The following NPTN variants were observed in gnomAD, a reference collection of about 807,000 sequenced individuals.
NPTN encodes the protein neuroplastin, also known as SDR-1.
NPTN carries 5 observed loss-of-function variants against 42.7 expected under a neutral mutation model. The ratio of observed to expected loss-of-function variants is 0.12; its 90% CI spans 0.06 to 0.25. The LOEUF (loss-of-function observed/expected upper bound fraction) is 0.25. Ranked by LOEUF, NPTN falls within the 10% of genes least tolerant of loss-of-function variation. The pLI is 1.00. For synonymous variants in NPTN, 180 were observed against 201.9 expected (o/e 0.89, Z 0.92); for missense variants, 307 against 525.4 (o/e 0.58, Z 4.06).
At chr15:73,589,009 G>A (rs2141393737) in intron 3 of NPTN, among the ~76,000 whole-genome samples, 1 of 152,280 alleles carries the variant, frequency 6.6e-6, no homozygotes, top group East Asian at 1.9e-4. Context: ...TTCAGATCAA[G>A]TTAAGCAGAG....
chr15:73,618,763 A>G (rs777684090), intron 1 of NPTN, among the ~76,000 whole-genome samples: 4 of 152,136 alleles, frequency 2.6e-5, no homozygotes, highest in Non-Finnish European at 4.4e-5. Context: ...TTGAGCCCAG[A>G]CAATGGAGGC....
intron 1 of NPTN, among the ~76,000 whole-genome samples, chr15:73,610,278 A>G (rs1897512341): frequency 6.6e-6 from 1 of 151,902 alleles, no homozygotes; most frequent in African/African-American, 2.4e-5. Flanking sequence ...TGTAGAGATG[A>G]GGGTCTTGCT....
Position 73,570,247 on chromosome 15 carries a change from T to G in NPTN, c.1017A>C (p.Pro339=), listed in dbSNP as rs906089317. 1 of 1,614,006 alleles carries G rather than the reference T, an allele frequency of 6.2e-7. No individual in the cohort carries two copies. Among genetic ancestry groups the G allele is most frequent in the Non-Finnish European group, 8.5e-7 (1 of 1,179,978 alleles). ...TVLRVRSHLA[P]LWPFLGILAE... is the part of the protein sequence containing the mutation. ...CCAGAATTCCCAAGAAAGGCCAGAG[T>G]GGGGCCAGGTGGCTCCGCACCCTGA... The change falls in exon 6 of 9, where the codon CCA becomes CCC. Residue 339 remains proline (P), a synonymous_variant. Coordinates refer to ENST00000345330, the MANE Select transcript of NPTN (RefSeq NM_012428.4). The surrounding 1 kb of genome is among the most constrained non-coding windows in gnomAD (Gnocchi z 4.0).
At chr15:73,621,415 G>A (rs1898132833) in intron 1 of NPTN, among the ~76,000 whole-genome samples, 2 of 152,224 alleles carry the variant, frequency 1.3e-5, no homozygotes, top group Middle Eastern at 3.4e-3. Context: ...TGAACTACCA[G>A]AGTTGCAGTT....
At chr15:73,599,049 A>C (rs892471272) in intron 1 of NPTN, among the ~76,000 whole-genome samples, 3 of 152,188 alleles carry the variant, frequency 2.0e-5, no homozygotes, top group Admixed American at 1.3e-4. Context: ...GCTTAGACTA[A>C]ACGTTCTGCC....
chr15:73,562,990 A>G (rs1325462798), intron 7 of NPTN, among the ~76,000 whole-genome samples: 1 of 125,590 alleles, frequency 8.0e-6, no homozygotes, highest in Non-Finnish European at 1.7e-5. Context: ...ACAAAATTTG[A>G]AAAAAAAAAA....
At chr15:73,593,064 G>A (rs1896672511) in intron 2 of NPTN, among the ~76,000 whole-genome samples, 1 of 152,110 alleles carries the variant, frequency 6.6e-6, no homozygotes, top group African/African-American at 2.4e-5. Flanking sequence ...TGTGTCCTGG[G>A]CAAGGTATAT....
In NPTN at chr15:73,597,194, T is replaced by C. The variant is rs369802337; in HGVS notation, c.267A>G (p.Val89=). The change falls in exon 2 of 9, where the codon GTA becomes GTG. Residue 89 remains valine, a synonymous_variant. Coordinates refer to ENST00000345330, the MANE Select transcript of NPTN (RefSeq NM_012428.4). The surrounding 1 kb of genome is among the most constrained non-coding windows in gnomAD (Gnocchi z 6.3). ...WDGARKRRVT[V]NTAYGSNGVS... ...CGCCGTTTGACCCGTAGGCGGTGTT[T>C]ACGGTGACACGGCGCTTCCGAGCAC... 2.5e-6 allele frequency: 4 copies of C among 1,614,034 alleles called. No individual in the cohort carries two copies. The highest frequency in any genetic ancestry group is 1.7e-5 in the Admixed American group (1 of 60,000).
chr15:73,592,716 T>C (rs972150693), intron 2 of NPTN, among the ~76,000 whole-genome samples: 1 of 152,158 alleles, frequency 6.6e-6, no homozygotes, highest in Admixed American at 6.5e-5. Flanking sequence ...TTTTCCAAAT[T>C]TTGTGGAGGC....
intron 6 of NPTN, chr15:73,567,496 G>A: frequency 4.1e-6 from 4 of 985,338 alleles, no homozygotes; most frequent in Non-Finnish European, 4.8e-6. Flanking sequence ...GAAAATTTGG[G>A]GAGAAGCACA....
At chr15:73,627,560 G>A (rs1346634840) in intron 1 of NPTN, among the ~76,000 whole-genome samples, 2 of 152,130 alleles carry the variant, frequency 1.3e-5, no homozygotes, top group African/African-American at 2.4e-5. Flanking sequence ...ACATACGTAG[G>A]AAATTCTTTA....
At chr15:73,590,503 TG>T (rs1432780471) in intron 3 of NPTN, among the ~76,000 whole-genome samples, 2 of 151,932 alleles carry the variant, frequency 1.3e-5, no homozygotes, top group Non-Finnish European at 2.9e-5. Flanking sequence ...GGCTCACGCC[TG>T]TAATTCCAGC....
At position 73,587,512 on chromosome 15, in the gene NPTN, G is replaced by A. The variant is rs1389763825; in HGVS notation, c.706+12C>T. 1 of 1,602,548 alleles carries A rather than the reference G, an allele frequency of 6.2e-7. No individual in the cohort carries two copies. The highest frequency in any genetic ancestry group is 1.1e-5 in the South Asian group (1 of 90,836). Reference sequence around the variant, plus strand: ...GTGAGAGGCTCACACCACAGCCTCTGCTGGGTTGTACCTTTCACTTCAATG... The same window carrying A: ...GTGAGAGGCTCACACCACAGCCTCTACTGGGTTGTACCTTTCACTTCAATG... On this transcript the variant is annotated intron_variant, in intron 4 of 8. Coordinates refer to ENST00000345330, the MANE Select transcript of NPTN (RefSeq NM_012428.4).
chr15:73,620,608 T>A (rs1293124839), intron 1 of NPTN, among the ~76,000 whole-genome samples: 2 of 152,202 alleles, frequency 1.3e-5, no homozygotes, highest in Non-Finnish European at 2.9e-5. Flanking sequence ...AAAAACTTGT[T>A]CTGAGCCCAG....
intron 1 of NPTN, among the ~76,000 whole-genome samples, chr15:73,625,260 C>T (rs2141477024): frequency 6.6e-6 from 1 of 152,242 alleles, no homozygotes; most frequent in South Asian, 2.1e-4. Context: ...CAAGATATTA[C>T]ATATTTGTGT....
At chr15:73,627,709 C>G (rs1430095721) in intron 1 of NPTN, among the ~76,000 whole-genome samples, 1 of 152,176 alleles carries the variant, frequency 6.6e-6, no homozygotes, top group Non-Finnish European at 1.5e-5. Context: ...GTTAGGCCTA[C>G]TTTCAGTTTC....
At position 73,563,272 on chromosome 15, in the gene NPTN, G is replaced by T. The variant is rs1317415015; in HGVS notation, c.1115-15C>A. On this transcript the variant is annotated splice_polypyrimidine_tract_variant and intron_variant, in intron 6 of 8. Coordinates refer to ENST00000345330, the MANE Select transcript of NPTN (RefSeq NM_012428.4). Reference sequence around the variant, plus strand: ...TGGTTCATCATCTACATGGTGTTCAGTTTTTTAAAAATCCATGAGAGATAA... The same window carrying T: ...TGGTTCATCATCTACATGGTGTTCATTTTTTTAAAAATCCATGAGAGATAA... 1.2e-6 allele frequency: 2 copies of T among 1,612,760 alleles called. No homozygotes were observed. The highest frequency in any genetic ancestry group is 1.7e-6 in the Non-Finnish European group (2 of 1,179,092).
rs1157745026 is a variant in NPTN at position 73,612,502 on chromosome 15, T to C, written c.92-15133A>G. Among the ~76,000 whole-genome samples the C allele has an allele frequency of 1.3e-5, 2 of 151,352 alleles. 1 individual carries two copies. The highest frequency in any genetic ancestry group is 2.9e-5 in the Non-Finnish European group (2 of 67,966). On this transcript the variant is annotated intron_variant, in intron 1 of 8. Coordinates refer to ENST00000345330, the MANE Select transcript of NPTN (RefSeq NM_012428.4). ...TATCAGACTGGCCAGGCGCAGTGGC[T>C]CATGCCTATAATCCCAGCACTTTGG...
chr15:73,578,907 C>T (rs1033262554), intron 4 of NPTN, among the ~76,000 whole-genome samples: 7 of 143,334 alleles, frequency 4.9e-5, no homozygotes, highest in African/African-American at 1.3e-4. Context: ...GCGAGAGAAT[C>T]GCTTGAACCT....
Sources: allele counts gnomAD v4.1 joint callset (sites outside exome capture counted in the v4.1 genomes callset), GRCh38; gene constraint gnomAD v4.1.1; non-coding constraint Gnocchi (gnomAD v3.1); transcripts MANE v1.5; gene names NCBI Gene and HGNC (gene_info 2026-07-23, HGNC 2026-07-21).